The following SAMD12 variants were observed in gnomAD, a reference collection of about 807,000 sequenced individuals.
SAMD12 encodes sterile alpha motif domain-containing protein 12.
SAMD12 carries 9 observed loss-of-function variants against 15.0 expected under a neutral mutation model. That is an observed-to-expected ratio of 0.60 (90% CI 0.36 to 1.05). The LOEUF is 1.05. Ranked by LOEUF, SAMD12 falls within the 50% of genes least tolerant of loss-of-function variation. The pLI is 0.01. For missense variants in SAMD12, 230 were observed against 234.2 expected, an observed-to-expected ratio of 0.98 and a Z score of 0.12; for synonymous variants, 86 against 90.1, an observed-to-expected ratio of 0.96 and a Z score of 0.25.
At chr8:118,168,280 T>C in the SAMD12 span, among the ~76,000 whole-genome samples, 1 of 152,122 alleles carries the variant, frequency 6.6e-6, no homozygotes, top group Non-Finnish European at 1.5e-5. Context: ...ACCATTGGAG[T>C]GTAAGAGGAG....
chr8:118,422,568 A>G (rs940830252), intron 3 of SAMD12, among the ~76,000 whole-genome samples: 9 of 152,216 alleles, frequency 5.9e-5, no homozygotes, highest in Non-Finnish European at 1.2e-4. Context: ...GGTTAAAATG[A>G]AGCTGACGAA....
intron 2 of SAMD12, among the ~76,000 whole-genome samples, chr8:118,530,664 GTTGA>G (rs1265939881): frequency 6.6e-6 from 1 of 152,136 alleles, no homozygotes; most frequent in Non-Finnish European, 1.5e-5. Context: ...TCTTCACTCT[GTTGA>G]TTATTTCTTT....
At chr8:118,599,316 T>C (rs915717103) in intron 1 of SAMD12, among the ~76,000 whole-genome samples, 8 of 152,212 alleles carry the variant, frequency 5.3e-5, no homozygotes, top group African/African-American at 1.9e-4. Flanking sequence ...GTAGCTCTTT[T>C]GTAAAATAAA....
At chr8:118,233,920 CA>C (rs1197704326) in intron 4 of SAMD12, among the ~76,000 whole-genome samples, 3 of 152,148 alleles carry the variant, frequency 2.0e-5, no homozygotes, top group Non-Finnish European at 4.4e-5. Flanking sequence ...TGGCAGCCTT[CA>C]AAAACAGAGG....
Position 118,410,123 on chromosome 8 carries a change from G to A in SAMD12, c.322+29709C>T, listed in dbSNP as rs140214794. 2.4e-3 allele frequency among the ~76,000 whole-genome samples: 371 copies of A among 152,236 alleles called. 3 individuals carry two copies. Among genetic ancestry groups the A allele is most frequent in the Non-Finnish European group, 4.6e-3 (313 of 68,008 alleles). On this transcript the variant is annotated intron_variant, in intron 3 of 3. Coordinates refer to ENST00000314727, the MANE Select transcript of SAMD12 (RefSeq NM_207506.3). ...AATGTTTTTCCATGAACATAATAAT[G>A]AGGTTATTTATTGATAAAGAGTATA...
At chr8:118,176,863 C>T in the SAMD12 span, among the ~76,000 whole-genome samples, 2 of 152,084 alleles carry the variant, frequency 1.3e-5, no homozygotes, top group Non-Finnish European at 2.9e-5. Flanking sequence ...GAATGAAATT[C>T]CAATTTTCCT....
intron 4 of SAMD12, among the ~76,000 whole-genome samples, chr8:118,339,603 T>C (rs2450318): frequency 0.54 from 81,736 of 152,130 alleles, 23,739 homozygotes; most frequent in East Asian, 0.83. Flanking sequence ...TGCGTTTCTG[T>C]GGTCTGTGCA....
chr8:118,463,088 G>A (rs1431550476), intron 2 of SAMD12, among the ~76,000 whole-genome samples: 1 of 104,966 alleles, frequency 9.5e-6, no homozygotes, highest in Non-Finnish European at 1.8e-5. Context: ...GCGACAGAGC[G>A]AAACTCCGTC....
At chr8:118,493,760 C>T (rs1824519083) in intron 2 of SAMD12, among the ~76,000 whole-genome samples, 1 of 152,098 alleles carries the variant, frequency 6.6e-6, no homozygotes, top group African/African-American at 2.4e-5. Context: ...GGTGTGCAAC[C>T]TTGGGTGGAA....
At chr8:118,260,441 A>C (rs1452491329) in intron 4 of SAMD12, among the ~76,000 whole-genome samples, 1 of 152,116 alleles carries the variant, frequency 6.6e-6, no homozygotes, top group Non-Finnish European at 1.5e-5. Context: ...GATTATTAAA[A>C]AGTATCTGCT....
Position 118,225,325 on chromosome 8 carries a change from C to T in SAMD12, c.434-27593G>A, listed in dbSNP as rs560867271. On this transcript the variant is annotated intron_variant, in intron 4 of 4. Coordinates refer to the SAMD12 transcript ENST00000409003. Reference sequence around the variant, plus strand: ...GGTGTAAAAAAGCTTACAAACCCAACGAGAGCCTTCTGCCTCTGAATACAA... The same window carrying T: ...GGTGTAAAAAAGCTTACAAACCCAATGAGAGCCTTCTGCCTCTGAATACAA... 4.6e-5 allele frequency among the ~76,000 whole-genome samples: 7 copies of T among 152,212 alleles called. No individual in the cohort carries two copies. In the East Asian group the frequency reaches 5.8e-4, roughly 13 times the overall value.
intron 2 of SAMD12, among the ~76,000 whole-genome samples, chr8:118,536,300 C>T (rs1490603458): frequency 6.6e-6 from 1 of 152,112 alleles, no homozygotes; most frequent in Non-Finnish European, 1.5e-5. Flanking sequence ...GCTTTCCTTG[C>T]CTTTCTCCCT....
chr8:118,480,319 C>T (rs1315170140), intron 2 of SAMD12, among the ~76,000 whole-genome samples: 1 of 152,242 alleles, frequency 6.6e-6, no homozygotes, highest in Admixed American at 6.5e-5. Context: ...CTCCCCAACA[C>T]TCTTTAGCAC....
chr8:118,550,988 A>G (rs548214676), intron 2 of SAMD12, among the ~76,000 whole-genome samples: 2 of 151,980 alleles, frequency 1.3e-5, no homozygotes, highest in East Asian at 3.9e-4. Flanking sequence ...ACTATCCTAA[A>G]TATATATGCA....
chr8:118,360,702 G>A (rs944792168), intron 4 of SAMD12, among the ~76,000 whole-genome samples: 1 of 152,200 alleles, frequency 6.6e-6, no homozygotes, highest in South Asian at 2.1e-4. Flanking sequence ...TCACATTTAT[G>A]GTTGTGAGAT....
chr8:118,617,330 C>T (rs528785947), intron 1 of SAMD12, among the ~76,000 whole-genome samples: 1 of 152,328 alleles, frequency 6.6e-6, no homozygotes, highest in Admixed American at 6.5e-5. Context: ...TTCCCAGTCA[C>T]CGTTATTATT....
At chr8:118,302,234 C>G (rs1815085076) in intron 4 of SAMD12, among the ~76,000 whole-genome samples, 1 of 151,966 alleles carries the variant, frequency 6.6e-6, no homozygotes, top group Admixed American at 6.6e-5. Flanking sequence ...TTCAGTTGTT[C>G]ACTTTTCTTG....
chr8:118,423,642 G>A (rs1165423830), intron 3 of SAMD12, among the ~76,000 whole-genome samples: 2 of 151,942 alleles, frequency 1.3e-5, no homozygotes, highest in East Asian at 1.9e-4. Flanking sequence ...CATATAAGAT[G>A]TTATCCCTCA....
chr8:118,313,449 C>T (rs1364319491), intron 4 of SAMD12, among the ~76,000 whole-genome samples: 2 of 152,088 alleles, frequency 1.3e-5, no homozygotes, highest in Non-Finnish European at 2.9e-5. Flanking sequence ...GTGAGACCTG[C>T]CAATCTTCCC....
Sources: gnomAD v4.1 joint callset for allele counts (sites outside exome capture counted in the v4.1 genomes callset) on GRCh38, gnomAD v4.1.1 for gene constraint, MANE v1.5 for transcripts, NCBI Gene and HGNC (gene_info 2026-07-23, HGNC 2026-07-21) for gene names.